DIMT1: variants seen among roughly 807,000 people sequenced by gnomAD.
DIMT1 encodes DIM1 rRNA methyltransferase and ribosome maturation factor.
DIMT1 carries 36 observed loss-of-function variants against 43.2 expected under a neutral mutation model. The ratio of observed to expected loss-of-function variants is 0.83; its 90% CI spans 0.64 to 1.10. The LOEUF (loss-of-function observed/expected upper bound fraction) is 1.10, where lower values mean the gene tolerates loss of function less well. DIMT1 is among the 50% of genes least tolerant of loss of function. DIMT1 has a pLI of 0.00. For synonymous variants in DIMT1, 126 were observed against 130.3 expected, an observed-to-expected ratio of 0.97 and a Z score of 0.22; for missense variants, 341 against 385.3, an observed-to-expected ratio of 0.88 and a Z score of 0.96.
Position 62,388,004 on chromosome 5 carries a change from ACT to A in DIMT1, c.*1004_*1005del, listed in dbSNP as rs1485751145. The A allele has an allele frequency of 1.3e-5, 2 of 152,082 alleles. No individual in the cohort carries two copies. Among genetic ancestry groups the A allele is most frequent in the Non-Finnish European group, 2.9e-5 (2 of 68,000 alleles). The allele number at this position is 152,082 out of a possible 1,614,324, so 9.4% of individuals were successfully genotyped here. On this transcript the variant is annotated 3_prime_UTR_variant, in exon 12 of 12. Transcript: ENST00000199320. The stretch of plus-strand genomic sequence containing the variant: ...TTATAGAAACAAAATAGCTACTATA[ACT>A]CTATTATAGTATATTAACAGCACTT...
At chr5:62,391,616 TTCTC>T (rs754723279) in intron 10 of DIMT1, 199 of 899,684 alleles carry the variant, frequency 2.2e-4, no homozygotes, top group Non-Finnish European at 2.7e-4. Flanking sequence ...AAATTGGCCT[TTCTC>T]TCTCTGTTCT....
intron 10 of DIMT1, chr5:62,391,620 C>T (rs1742307555): frequency 2.1e-6 from 2 of 930,854 alleles, no homozygotes; most frequent in South Asian, 8.9e-5. Flanking sequence ...TGGCCTTTCT[C>T]TCTCTGTTCT....
chr5:62,402,995 A>G (rs27542), intron 2 of DIMT1, among the ~76,000 whole-genome samples: 44,962 of 152,148 alleles, frequency 0.3, 7,211 homozygotes, highest in East Asian at 0.46. Context: ...AGGTGATTAG[A>G]AATAGAAGAA....
intron 7 of DIMT1, 110 bp from the exon 8 acceptor site, chr5:62,394,157 C>A (rs1382156926): frequency 8.7e-6 from 9 of 1,037,716 alleles, no homozygotes; most frequent in Non-Finnish European, 1.3e-5. Context: ...ATGAATTAAG[C>A]TAGATTATTT....
Position 62,388,176 on chromosome 5 carries a change from C to T in DIMT1, c.*834G>A, listed in dbSNP as rs1742127032. 6.6e-6 allele frequency: 1 copy of T among 152,114 alleles called. No homozygotes were observed. Among genetic ancestry groups the T allele is most frequent in the African/African-American group, 2.4e-5 (1 of 41,416 alleles). The allele number at this position is 152,114 out of a possible 1,614,324, so 9.4% of individuals were successfully genotyped here. A position where few individuals can be genotyped will look rare whatever the true frequency, so the allele number is the denominator to read the frequency against. On this transcript the variant is annotated 3_prime_UTR_variant, in exon 12 of 12. Coordinates refer to ENST00000199320, the MANE Select transcript of DIMT1 (RefSeq NM_014473.4). ...CTGGAAATTTTAATTGTCCAGAAATCATAGGAATACTGGGAACCTGTAGTT... is the reference window on the plus strand; with the variant it reads ...CTGGAAATTTTAATTGTCCAGAAATTATAGGAATACTGGGAACCTGTAGTT...
At chr5:62,391,114 A>AT in intron 10 of DIMT1, 132 bp from the exon 11 acceptor site, 1 of 651,920 alleles carries the variant, frequency 1.5e-6, no homozygotes, top group Non-Finnish European at 2.6e-6. Flanking sequence ...GGAAAGCCTG[A>AT]TTTTTACATT....
chr5:62,399,030 T>A, intron 3 of DIMT1, 149 bp from the exon 4 acceptor site: 4 of 711,326 alleles, frequency 5.6e-6, no homozygotes, highest in Non-Finnish European at 2.3e-6. Flanking sequence ...CTCGCATACT[T>A]CAAACAACAA....
At position 62,403,339 on chromosome 5, in the gene DIMT1, C is replaced by T. The variant is rs753791434; in HGVS notation, c.87G>A (p.Met29Ile). 1 of 1,613,878 alleles carries T rather than the reference C, an allele frequency of 6.2e-7. No homozygotes were observed. The highest frequency in any genetic ancestry group is 8.5e-7 in the Non-Finnish European group (1 of 1,179,814). The change falls in exon 2 of 12, where the codon ATG becomes ATA. Residue 29 changes from methionine to isoleucine, a missense_variant. Transcript: ENST00000199320. ...TGTGCTGCCCAATCCCCGTGTTGAA[C>T]ATGAGTCCTGTAAGAAAATACGAAA... The part of the protein sequence containing the change: ...RRELKSAGGL[M>I]FNTGIGQHIL...
At chr5:62,394,104 C>T (rs1742398288) in intron 7 of DIMT1, 57 bp from the exon 8 acceptor site, 5 of 1,485,374 alleles carry the variant, frequency 3.4e-6, no homozygotes, top group Non-Finnish European at 4.7e-6. Context: ...ATTTAGTAAC[C>T]AGATATGCTA....
rs759205859 is a variant in DIMT1 at position 62,394,504 on chromosome 5, G to A, written c.550C>T (p.Arg184Cys). The change falls in exon 7 of 12, where the codon CGT (arginine) becomes TGT (cysteine). Residue 184 changes from arginine to cysteine, a missense_variant. Physicochemically the swap from Arg to Cys is radical, Grantham distance 180 (BLOSUM62 -3). Transcript: ENST00000199320. ...CTTACTTTCATTAGATGGTCCACAC[G>A]TGCCAACAGCTGTGTATTAATTGAG... ...RLSINTQLLA[R>C]VDHLMKVGKN... The A allele has an allele frequency of 7.1e-5, 115 of 1,614,006 alleles. No homozygotes were observed. The highest frequency in any genetic ancestry group is 3.3e-4 in the Middle Eastern group (2 of 6,084).
At chr5:62,394,410 C>G in intron 7 of DIMT1, 74 bp downstream of exon 7, 1 of 1,487,560 alleles carries the variant, frequency 6.7e-7, no homozygotes, top group Non-Finnish European at 9.4e-7. Flanking sequence ...CGCAGTGAGC[C>G]ACTGCACTGC....
chr5:62,398,555 A>C lies in DIMT1; in HGVS notation c.402T>G (p.Ser134=), dbSNP rs1213628394. Residue 134 remains serine (S), a synonymous_variant, in exon 6 of 12, where the codon TCT becomes TCG. Coordinates refer to ENST00000199320, the MANE Select transcript of DIMT1 (RefSeq NM_014473.4). Reference sequence around the variant, plus strand: ...GCAACAGCTTGAAGACAAAAGGTGAAGAGATCTGTAAGAGAATTAACTAGT... The same window carrying C: ...GCAACAGCTTGAAGACAAAAGGTGACGAGATCTGTAAGAGAATTAACTAGT... ...TCVANLPYQI[S]SPFVFKLLLH... The C allele has an allele frequency of 6.2e-7, 1 of 1,612,636 alleles. No individual in the cohort carries two copies. Among genetic ancestry groups the C allele is most frequent in the South Asian group, 1.1e-5 (1 of 91,054 alleles).
chr5:62,398,490 C>A lies in DIMT1; in HGVS notation c.446+21G>T, dbSNP rs758081025. On this transcript the variant is annotated intron_variant, in intron 6 of 11. Coordinates refer to ENST00000199320, the MANE Select transcript of DIMT1 (RefSeq NM_014473.4). ...TAAGTCTTTCAAAATTTGGCAGTAA[C>A]TCTAGTCTTTTGTCACAAACCTGAA... The A allele has an allele frequency of 3.5e-5, 56 of 1,609,934 alleles. No individual in the cohort carries two copies. The South Asian group carries it at 5.9e-4, about 17-fold the overall frequency.
chr5:62,392,291 A>G (rs1411555491), intron 9 of DIMT1, 57 bp from the exon 10 acceptor site: 1 of 1,445,750 alleles, frequency 6.9e-7, no homozygotes, highest in Non-Finnish European at 9.5e-7. Flanking sequence ...GTAATTTCTT[A>G]CTTTTTTAAA....
rs764024705 is a variant in DIMT1, at chr5:62,392,154, A to G, written c.792+17T>C. 5 of 1,609,558 alleles carry G rather than the reference A, an allele frequency of 3.1e-6. No individual in the cohort carries two copies. The highest frequency in any genetic ancestry group is 4.2e-6 in the Non-Finnish European group (5 of 1,178,302). The stretch of plus-strand genomic sequence containing the variant: ...GAAAACAAATCAATGAAACTGCAGG[A>G]ACATTTTCTAACTTACAATATTATG... On this transcript the variant is annotated intron_variant, in intron 10 of 11. Transcript: ENST00000199320.
At position 62,388,135 on chromosome 5, in the gene DIMT1, G is replaced by A. The variant is rs1196691926; in HGVS notation, c.*875C>T. 6.6e-6 allele frequency: 1 copy of A among 152,026 alleles called. No individual in the cohort carries two copies. The highest frequency in any genetic ancestry group is 2.4e-5 in the African/African-American group (1 of 41,404). 9.4% of individuals were successfully genotyped at this position (152,026 alleles called of 1,614,324 possible). The stretch of plus-strand genomic sequence containing the variant: ...AAAATAGCTTAAAACTAAGCACCAG[G>A]TATATGAAAAAGGAACTGGAAATTT... On this transcript the variant is annotated 3_prime_UTR_variant, in exon 12 of 12. Transcript: ENST00000199320.
In DIMT1 at chr5:62,394,504, G is replaced by C; in HGVS notation, c.550C>G (p.Arg184Gly). The C allele has an allele frequency of 6.2e-7, 1 of 1,614,124 alleles. No individual in the cohort carries two copies. The highest frequency in any genetic ancestry group is 8.5e-7 in the Non-Finnish European group (1 of 1,180,010). ...RLSINTQLLARVDHLMKVGKN... is the reference protein window; with the variant it reads ...RLSINTQLLAGVDHLMKVGKN... ...CTTACTTTCATTAGATGGTCCACAC[G>C]TGCCAACAGCTGTGTATTAATTGAG... Residue 184 changes from arginine to glycine, a missense_variant, in exon 7 of 12, where the codon CGT (arginine) becomes GGT (glycine). Arg to Gly is a moderately radical substitution (Grantham distance 125). Coordinates refer to ENST00000199320, the MANE Select transcript of DIMT1 (RefSeq NM_014473.4).
At position 62,393,991 on chromosome 5, in the gene DIMT1, T is replaced by C. The variant is rs771321430; in HGVS notation, c.627A>G (p.Ile209Met). ...PPKVESSVVR[I>M]EPKNPPPPIN... is the part of the protein sequence containing the mutation. ...TGGGTGGTGGTGGATTCTTAGGTTC[T>C]ATCCTTACAACACTGGATTCCACCT... The change falls in exon 8 of 12, where the codon ATA becomes ATG. Residue 209 changes from isoleucine to methionine, a missense_variant. Transcript: ENST00000199320. The C allele has an allele frequency of 6.2e-7, 1 of 1,611,996 alleles. No individual in the cohort carries two copies. Among genetic ancestry groups the C allele is most frequent in the Non-Finnish European group, 8.5e-7 (1 of 1,179,472 alleles).
At position 62,403,850 on chromosome 5, in the gene DIMT1, G is replaced by A. The variant is rs927516037; in HGVS notation, c.-78C>T. On this transcript the variant is annotated 5_prime_UTR_variant, in exon 1 of 12. Transcript: ENST00000199320. ...GCTAGCGTGAGAAAGCCACCACGTGGGGATCGCCGCCACGCGCCGCCCGCA... is the reference window on the plus strand; with the variant it reads ...GCTAGCGTGAGAAAGCCACCACGTGAGGATCGCCGCCACGCGCCGCCCGCA... 7 of 1,477,542 alleles carry A rather than the reference G, an allele frequency of 4.7e-6. No individual in the cohort carries two copies. Among genetic ancestry groups the A allele is most frequent in the Non-Finnish European group, 6.4e-6 (7 of 1,087,142 alleles). 91.5% of individuals were successfully genotyped at this position (1,477,542 alleles called of 1,614,324 possible). A position where few individuals can be genotyped will look rare whatever the true frequency, so the allele number is the denominator to read the frequency against.
Sources: gnomAD v4.1 joint callset for allele counts (sites outside exome capture counted in the v4.1 genomes callset) on GRCh38, gnomAD v4.1.1 for gene constraint, MANE v1.5 for transcripts, NCBI Gene and HGNC (gene_info 2026-07-23, HGNC 2026-07-21) for gene names.